Variants in SCYGR7 observed in about 807,000 individuals in gnomAD.
SCYGR7 encodes small cysteine and glycine repeat-containing protein 7.
At chr2:227,728,404 G>T (rs370675693) in exon 1 of SCYGR7, 3 of 404,120 alleles carry the variant, frequency 7.4e-6, no homozygotes, top group Non-Finnish European at 1.3e-5. Flanking sequence ...TGGTGGCTGC[G>T]GTGGTGGCTG....
chr2:227,728,416 G>A (rs888323755), exon 1 of SCYGR7: 16 of 403,108 alleles, frequency 4.0e-5, no homozygotes, highest in Non-Finnish European at 7.0e-5. Context: ...TGGTGGCTGC[G>A]GTGGTGGCTG....
exon 1 of SCYGR7, chr2:227,728,336 T>C (rs533524968): frequency 5.0e-6 from 2 of 402,262 alleles, no homozygotes; most frequent in Non-Finnish European, 8.7e-6. Flanking sequence ...ACTGACACCA[T>C]GGGTTGCTGT....
At chr2:227,728,551 G>C (rs191345427) in exon 1 of SCYGR7, 211 of 398,702 alleles carry the variant, frequency 5.3e-4, no homozygotes, top group South Asian at 1.0e-3. Flanking sequence ...CCGCACCTGC[G>C]GCTCATGTGG....
In SCYGR7 at chr2:227,728,370, C is replaced by T. The variant is rs138159035; in HGVS notation, c.36C>T (p.Cys12=). Residue 12 remains cysteine (C), a synonymous_variant, in exon 1 of 1, where the codon TGC becomes TGT. Coordinates refer to ENST00000641700, the Ensembl canonical transcript of SCYGR7. ...GTGGTTGTGGAAGTTGTGGTGGCTG[C>T]GGTGGTGGCTGTGGTGGCTGCGGTG... 3.1e-3 allele frequency: 1,245 copies of T among 405,672 alleles called. 14 individuals are homozygous for T. Among genetic ancestry groups the T allele is most frequent in the African/African-American group, 0.022 (1,039 of 48,182 alleles). The allele number at this position is 405,672 out of a possible 1,614,324, so 25.1% of individuals were successfully genotyped here. A position where few individuals can be genotyped will look rare whatever the true frequency, so the allele number is the denominator to read the frequency against.
exon 1 of SCYGR7, chr2:227,728,380 T>TGTGGTGGTGGCTGCA (rs1553579051): frequency 5.0e-6 from 2 of 402,990 alleles, no homozygotes; most frequent in Admixed American, 4.4e-5. Flanking sequence ...CGGTGGTGGC[T>TGTGGTGGTGGCTGCA]GTGGTGGCTG....
exon 1 of SCYGR7, chr2:227,728,539 C>T (rs966751365): frequency 1.5e-4 from 59 of 399,110 alleles, no homozygotes; most frequent in African/African-American, 8.6e-4. Context: ...CTGCTGCTGC[C>T]GCCGCACCTG....
At position 227,728,615 on chromosome 2, in the gene SCYGR7, G is replaced by A. The variant is rs183967103; in HGVS notation, c.281G>A (p.Cys94Tyr). 551 of 398,968 alleles carry A rather than the reference G, an allele frequency of 1.4e-3. 2 individuals are homozygous for A. Among genetic ancestry groups the A allele is most frequent in the Middle Eastern group, 5.7e-3 (9 of 1,590 alleles). The allele number at this position is 398,968 out of a possible 1,614,324, so 24.7% of individuals were successfully genotyped here. ...CAGAAAGGCTGCTGCCAGAAGCAAT[G>A]CTGCTGCTAGGCGGGCCCCCGGCCT... The change falls in exon 1 of 1, where the codon TGC becomes TAC. Residue 94 changes from cysteine to tyrosine, a missense_variant. Cys to Tyr is a radical substitution (Grantham distance 194). Transcript: ENST00000641700.
exon 1 of SCYGR7, chr2:227,728,530 T>C: frequency 1.3e-5 from 5 of 399,298 alleles, no homozygotes; most frequent in Non-Finnish European, 2.2e-5. Flanking sequence ...ACCTGTGATC[T>C]GCTGCTGCCG....
chr2:227,728,494 G>A (rs1696590956), exon 1 of SCYGR7: 4 of 399,354 alleles, frequency 1.0e-5, no homozygotes, highest in Admixed American at 8.8e-5. Flanking sequence ...CTGCTGCCGC[G>A]GCTGCTGTGG....
Position 227,728,433 on chromosome 2 carries a change from C to T in SCYGR7, c.99C>T (p.Ser33=), listed in dbSNP as rs1014068950. The T allele has an allele frequency of 3.2e-5, 13 of 401,426 alleles. No homozygotes were observed. In the Admixed American group the frequency reaches 4.9e-4, roughly 15 times the overall value. 24.9% of individuals were successfully genotyped at this position (401,426 alleles called of 1,614,324 possible). Reference sequence around the variant, plus strand: ...GTGGCTGCGGTGGTGGCTGTGGCAGCTGCACCACCTGCAGGTGCTACCGGG... The same window carrying T: ...GTGGCTGCGGTGGTGGCTGTGGCAGTTGCACCACCTGCAGGTGCTACCGGG... Residue 33 remains serine (S), a synonymous_variant, in exon 1 of 1, where the codon AGC becomes AGT. Coordinates refer to ENST00000641700, the Ensembl canonical transcript of SCYGR7.
At position 227,728,422 on chromosome 2, in the gene SCYGR7, G is replaced by GTGGTGGTA; in HGVS notation, c.88_89insTGGTGGTA (p.Gly30ValfsTer38). 1 of 401,484 alleles carries GTGGTGGTA rather than the reference G, an allele frequency of 2.5e-6. No homozygotes were observed. Among genetic ancestry groups the GTGGTGGTA allele is most frequent in the East Asian group, 3.6e-5 (1 of 27,542 alleles). 24.9% of individuals were successfully genotyped at this position (401,484 alleles called of 1,614,324 possible). On this transcript the variant is annotated frameshift_variant, in exon 1 of 1. Coordinates refer to ENST00000641700, the Ensembl canonical transcript of SCYGR7. LOFTEE classifies it low-confidence loss of function (END_TRUNC). ...TGGCTGCGGTGGTGGCTGCGGTGGT[G>GTGGTGGTA]GCTGTGGCAGCTGCACCACCTGCAG...
exon 1 of SCYGR7, chr2:227,728,492 G>A (rs1384263445): frequency 1.3e-5 from 5 of 399,398 alleles, no homozygotes; most frequent in East Asian, 7.1e-5. Flanking sequence ...CCCTGCTGCC[G>A]CGGCTGCTGT....
exon 1 of SCYGR7, chr2:227,728,544 C>T (rs1032343030): frequency 7.0e-5 from 28 of 399,116 alleles, no homozygotes; most frequent in South Asian, 6.3e-4. Context: ...GCTGCCGCCG[C>T]ACCTGCGGCT....
chr2:227,728,380 T>TGTGGTGGTGGCTGCG (rs1553579051), exon 1 of SCYGR7: 1 of 402,980 alleles, frequency 2.5e-6, no homozygotes, highest in Non-Finnish European at 4.3e-6. Flanking sequence ...CGGTGGTGGC[T>TGTGGTGGTGGCTGCG]GTGGTGGCTG....
chr2:227,728,619 C>T lies in SCYGR7; in HGVS notation c.285C>T (p.Cys95=), dbSNP rs527901653. ...AAGGCTGCTGCCAGAAGCAATGCTG[C>T]TGCTAGGCGGGCCCCCGGCCTCTGG... The change falls in exon 1 of 1, where the codon TGC becomes TGT. Residue 95 remains cysteine, a synonymous_variant. Coordinates refer to ENST00000641700, the Ensembl canonical transcript of SCYGR7. 156 of 398,988 alleles carry T rather than the reference C, an allele frequency of 3.9e-4. 1 individual carries two copies. The highest frequency in any genetic ancestry group is 1.6e-3 in the African/African-American group (79 of 48,782). The allele number at this position is 398,988 out of a possible 1,614,324, so 24.7% of individuals were successfully genotyped here. A position where few individuals can be genotyped will look rare whatever the true frequency, so the allele number is the denominator to read the frequency against.
chr2:227,728,359 T>TGCG (rs2106128123), exon 1 of SCYGR7: 3 of 403,958 alleles, frequency 7.4e-6, no homozygotes, highest in African/African-American at 2.1e-5. Context: ...TTGTGGAAGT[T>TGCG]GTGGTGGCTG....
rs1559266051 is a variant in SCYGR7, at chr2:227,728,389, TGCG to T, written c.57_59del (p.Gly22del). 385 of 398,006 alleles carry T rather than the reference TGCG, an allele frequency of 9.7e-4. 3 individuals are homozygous for T. Among genetic ancestry groups the T allele is most frequent in the African/African-American group, 6.7e-3 (320 of 47,546 alleles). 24.7% of individuals were successfully genotyped at this position (398,006 alleles called of 1,614,324 possible). A position where few individuals can be genotyped will look rare whatever the true frequency, so the allele number is the denominator to read the frequency against. ...TGGCTGCGGTGGTGGCTGTGGTGGC[TGCG>T]GTGGTGGCTGCGGTGGTGGCTGCGG... On this transcript the variant is annotated inframe_deletion, in exon 1 of 1. Coordinates refer to ENST00000641700, the Ensembl canonical transcript of SCYGR7.
chr2:227,728,540 G>A (rs999645603), exon 1 of SCYGR7: 8 of 399,178 alleles, frequency 2.0e-5, no homozygotes, highest in South Asian at 1.3e-4. Context: ...TGCTGCTGCC[G>A]CCGCACCTGC....
exon 1 of SCYGR7, chr2:227,728,392 G>GGTGGTGGCT (rs1404455035): frequency 7.6e-6 from 3 of 392,694 alleles, no homozygotes; most frequent in Non-Finnish European, 8.8e-6. Flanking sequence ...TGGTGGCTGC[G>GGTGGTGGCT]GTGGTGGCTG....
Sources: gnomAD v4.1 joint callset for allele counts on GRCh38, gnomAD v4.1.1 for gene constraint, MANE v1.5 for transcripts, NCBI Gene and HGNC (gene_info 2026-07-23, HGNC 2026-07-21) for gene names.